Variants in SORBS2 observed in about 807,000 individuals in gnomAD.
SORBS2 encodes sorbin and SH3 domain containing 2.
SORBS2 carries 46 observed loss-of-function variants against 97.7 expected under a neutral mutation model. That is an observed-to-expected ratio of 0.47 (90% CI 0.37 to 0.60). The LOEUF (loss-of-function observed/expected upper bound fraction) is 0.60, where lower values mean the gene tolerates loss of function less well. Among genes scored for constraint, SORBS2 ranks in the 20% least tolerant of loss-of-function variants. The pLI is 0.00. For synonymous variants in SORBS2, 476 were observed against 473.4 expected, an observed-to-expected ratio of 1.01 and a Z score of -0.07; for missense variants, 1,316 against 1,282.3, an observed-to-expected ratio of 1.03 and a Z score of -0.40.
chr4:185,756,443 T>C (rs903566216), intron 2 of SORBS2, among the ~76,000 whole-genome samples: 1 of 152,196 alleles, frequency 6.6e-6, no homozygotes, highest in Non-Finnish European at 1.5e-5. Flanking sequence ...AGGTAACTCA[T>C]TCTCCAGAAA....
intron 1 of SORBS2, among the ~76,000 whole-genome samples, chr4:185,870,466 T>G (rs1196143678): frequency 6.6e-6 from 1 of 152,246 alleles, no homozygotes; most frequent in Admixed American, 6.5e-5. Context: ...TTTTCAGTGT[T>G]ATGTTTCAAA....
intron 2 of SORBS2, among the ~76,000 whole-genome samples, chr4:185,724,304 C>T (rs922069952): frequency 2.1e-5 from 3 of 144,002 alleles, no homozygotes; most frequent in African/African-American, 7.8e-5. Context: ...TTATTGAATA[C>T]TTGGGATATT....
intron 1 of SORBS2, among the ~76,000 whole-genome samples, chr4:185,882,980 C>T (rs944052342): frequency 3.9e-5 from 6 of 151,910 alleles, no homozygotes; most frequent in Non-Finnish European, 8.8e-5. Context: ...AAAAATTTCA[C>T]GACCTTAGAT....
chr4:185,602,843 C>G (rs1209018001), intron 12 of SORBS2, among the ~76,000 whole-genome samples: 1 of 152,124 alleles, frequency 6.6e-6, no homozygotes, highest in Non-Finnish European at 1.5e-5. Flanking sequence ...GCACAAATAA[C>G]TTCAGTGAAT....
chr4:185,808,324 T>C (rs2099165341), intron 1 of SORBS2, among the ~76,000 whole-genome samples: 1 of 152,152 alleles, frequency 6.6e-6, no homozygotes, highest in East Asian at 1.9e-4. Flanking sequence ...TCAATTCTAC[T>C]TTATATACAA....
At chr4:185,622,673 C>T (rs904848539) in intron 7 of SORBS2, among the ~76,000 whole-genome samples, 2 of 152,130 alleles carry the variant, frequency 1.3e-5, no homozygotes, top group Non-Finnish European at 2.9e-5. Context: ...CTCTCGTTTT[C>T]GAAAGAGTAA....
rs979576875 is a variant in SORBS2 at position 185,818,302 on chromosome 4, G to T, written c.-337-42936C>A. On this transcript the variant is annotated intron_variant, in intron 1 of 20. Coordinates refer to the SORBS2 transcript ENST00000284776. Reference sequence around the variant, plus strand: ...CCTCCTGGGTTCAAGCGATTCTCCTGCCTCAGCCTCCCGAGTAGCTGGGAT... The same window carrying T: ...CCTCCTGGGTTCAAGCGATTCTCCTTCCTCAGCCTCCCGAGTAGCTGGGAT... 3.3e-5 allele frequency among the ~76,000 whole-genome samples: 5 copies of T among 152,212 alleles called. No homozygotes were observed. The East Asian group carries it at 9.8e-4, about 30-fold the overall frequency.
chr4:185,632,467 G>A (rs899871883), intron 4 of SORBS2, among the ~76,000 whole-genome samples: 1 of 152,164 alleles, frequency 6.6e-6, no homozygotes, highest in African/African-American at 2.4e-5. Flanking sequence ...CAGACACTGG[G>A]AAGGTAGAAA....
chr4:185,680,853 G>A (rs1176660978), intron 2 of SORBS2, among the ~76,000 whole-genome samples: 1 of 152,196 alleles, frequency 6.6e-6, no homozygotes, highest in East Asian at 1.9e-4. Flanking sequence ...TGGTCACCGT[G>A]TTGAAGATGA....
intron 2 of SORBS2, among the ~76,000 whole-genome samples, chr4:185,760,874 C>T (rs1264904550): frequency 2.0e-5 from 3 of 152,220 alleles, no homozygotes; most frequent in African/African-American, 7.2e-5. Flanking sequence ...AAAGCAGTGT[C>T]ACCAATCCTA....
intron 2 of SORBS2, among the ~76,000 whole-genome samples, chr4:185,731,866 CTATATATATATA>C (rs544211866): frequency 0.045 from 1,090 of 24,440 alleles, 21 homozygotes; most frequent in African/African-American, 0.081. Context: ...CTCTCTCTCT[CTATATATATATA>C]TATATATATA....
intron 2 of SORBS2, among the ~76,000 whole-genome samples, chr4:185,735,376 A>ATTT (rs71593648): frequency 0.13 from 18,915 of 141,692 alleles, 1,322 homozygotes; most frequent in Middle Eastern, 0.23. Flanking sequence ...AGAGTAAACT[A>ATTT]TTTTTTTTTT....
intron 1 of SORBS2, among the ~76,000 whole-genome samples, chr4:185,839,779 G>C (rs773823354): frequency 3.3e-5 from 5 of 152,188 alleles, no homozygotes; most frequent in Non-Finnish European, 7.3e-5. Flanking sequence ...TTTGGGTCTG[G>C]GTGAGGTGGA....
At chr4:185,588,587 T>TCTCCTTCCTCCTC (rs138160304) in intron 14 of SORBS2, among the ~76,000 whole-genome samples, 41,763 of 122,644 alleles carry the variant, frequency 0.34, 8,907 homozygotes, top group East Asian at 0.56. Flanking sequence ...ATTTTACGTT[T>TCTCCTTCCTCCTC]CTCCTCCCTC....
intron 2 of SORBS2, among the ~76,000 whole-genome samples, chr4:185,735,723 T>C (rs1583720034): frequency 6.6e-6 from 1 of 152,258 alleles, no homozygotes; most frequent in East Asian, 1.9e-4. Flanking sequence ...TGTGTGTGGG[T>C]GCAATTTTGT....
intron 1 of SORBS2, among the ~76,000 whole-genome samples, chr4:185,877,883 A>AAAAG (rs2099234530): frequency 3.6e-4 from 52 of 145,264 alleles, no homozygotes; most frequent in African/African-American, 7.7e-4. Flanking sequence ...ACAAAAAAAA[A>AAAAG]AAAGAAAGAA....
intron 1 of SORBS2, among the ~76,000 whole-genome samples, chr4:185,830,453 A>T (rs1349953135): frequency 6.6e-6 from 1 of 152,206 alleles, no homozygotes; most frequent in African/African-American, 2.4e-5. Flanking sequence ...GAAAATGGTT[A>T]TGGAAGGAAG....
At chr4:185,705,936 G>C (rs561400521) in intron 2 of SORBS2, among the ~76,000 whole-genome samples, 33 of 152,284 alleles carry the variant, frequency 2.2e-4, no homozygotes, top group Middle Eastern at 3.4e-3. Context: ...TATGTCACTT[G>C]AGGAATCTCT....
In SORBS2 at chr4:185,865,893, T is replaced by C. The variant is rs568976734; in HGVS notation, c.-338+90303A>G. On this transcript the variant is annotated intron_variant, in intron 1 of 20. Coordinates refer to the SORBS2 transcript ENST00000284776. The stretch of plus-strand genomic sequence containing the variant: ...CTTACACAAGGTGCTGAGATTTTTC[T>C]TTTAATGATAAAACAGGGTTGGCTC... Among the ~76,000 whole-genome samples the C allele has an allele frequency of 6.6e-5, 10 of 152,322 alleles. No homozygotes were observed. In the South Asian group the frequency reaches 8.3e-4, roughly 13 times the overall value.
Sources: gnomAD v4.1 joint callset for allele counts (sites outside exome capture counted in the v4.1 genomes callset) on GRCh38, gnomAD v4.1.1 for gene constraint, MANE v1.5 for transcripts, NCBI Gene and HGNC (gene_info 2026-07-23, HGNC 2026-07-21) for gene names.